Variants in NBEA observed in about 807,000 individuals in gnomAD.
The protein encoded by NBEA is neurobeachin.
Under a neutral mutation model 343.4 loss-of-function variants are expected in NBEA, and 44 were observed. That is an observed-to-expected ratio of 0.13 (90% CI 0.10 to 0.16). NBEA has a LOEUF of 0.16. Ranked by LOEUF, NBEA falls within the 10% of genes least tolerant of loss-of-function variation. The probability of loss-of-function intolerance (pLI) is 1.00; values close to 1 mark genes in which losing one functional copy is unlikely to be tolerated. For missense variants in NBEA, 2,555 were observed against 3,631.3 expected, an observed-to-expected ratio of 0.70 and a Z score of 7.62; for synonymous variants, 1,175 against 1,238.7, an observed-to-expected ratio of 0.95 and a Z score of 1.08.
chr13:35,225,386 C>T (rs2074595311), intron 33 of NBEA, among the ~76,000 whole-genome samples: 1 of 152,078 alleles, frequency 6.6e-6, no homozygotes, highest in Non-Finnish European at 1.5e-5. Context: ...CCAAAAGTGA[C>T]AGGATTTGTT....
chr13:35,513,872 A>G (rs2077381034), intron 41 of NBEA, among the ~76,000 whole-genome samples: 1 of 152,158 alleles, frequency 6.6e-6, no homozygotes, highest in South Asian at 2.1e-4. Context: ...GTTTAGAACT[A>G]TCTTTCAAAT....
At chr13:35,354,078 T>TA (rs144709413) in intron 38 of NBEA, among the ~76,000 whole-genome samples, 2,956 of 152,232 alleles carry the variant, frequency 0.019, 50 homozygotes, top group South Asian at 0.033. Flanking sequence ...ATCCTTTACT[T>TA]AAAGTTAACT....
At chr13:35,062,187 TAAAAC>T (rs1024386153) in intron 8 of NBEA, among the ~76,000 whole-genome samples, 3 of 151,456 alleles carry the variant, frequency 2.0e-5, no homozygotes, top group Admixed American at 6.6e-5. Context: ...AGCCATGAAA[TAAAAC>T]AAAGTCAGAT....
At position 34,942,477 on chromosome 13, in the gene NBEA, G is replaced by GCGGGC. The variant is rs958925043; in HGVS notation, c.-335_-331dup. On this transcript the variant is annotated 5_prime_UTR_variant, in exon 1 of 59. Transcript: ENST00000379939. ...AGCGGCTGCAGCATCTCCGCGGGGG[G>GCGGGC]CGGGCCGGGCCGGACAGACCGGGAG... The GCGGGC allele has an allele frequency of 6.2e-4, 106 of 170,316 alleles. No individual in the cohort carries two copies. The highest frequency in any genetic ancestry group is 1.6e-4 in the Non-Finnish European group (13 of 80,058). 10.6% of individuals were successfully genotyped at this position (170,316 alleles called of 1,614,324 possible).
intron 41 of NBEA, among the ~76,000 whole-genome samples, chr13:35,525,690 A>G (rs2077940771): frequency 6.6e-6 from 1 of 152,210 alleles, no homozygotes; most frequent in Non-Finnish European, 1.5e-5. Context: ...TGGGGTCACT[A>G]TAACAAAATA....
At chr13:35,331,343 C>A (rs892536296) in intron 36 of NBEA, among the ~76,000 whole-genome samples, 2 of 151,920 alleles carry the variant, frequency 1.3e-5, no homozygotes, top group Non-Finnish European at 2.9e-5. Flanking sequence ...CACTCTTTCC[C>A]CTAGTTTGTA....
Position 35,605,804 on chromosome 13 carries a change from T to C in NBEA, c.7297-622T>C, listed in dbSNP as rs142607253. On this transcript the variant is annotated intron_variant, in intron 47 of 58. Coordinates refer to ENST00000379939, the MANE Select transcript of NBEA (RefSeq NM_001385012.1). ...ACAAGTTGTCTTTGCATCCAATTTA[T>C]TGAGAACCTGTCATTTCTATGGCAT... is the stretch of plus-strand genomic sequence containing the variant. Among the ~76,000 whole-genome samples, 32 of 152,302 alleles carry C rather than the reference T, an allele frequency of 2.1e-4. No individual in the cohort carries two copies. The East Asian group carries it at 6.0e-3, about 28-fold the overall frequency.
chr13:35,135,775 A>ATC (rs2067688637), intron 17 of NBEA, among the ~76,000 whole-genome samples: 1 of 151,146 alleles, frequency 6.6e-6, no homozygotes, highest in African/African-American at 2.4e-5. Context: ...GTGTATATCT[A>ATC]TATATATATA....
intron 30 of NBEA, among the ~76,000 whole-genome samples, chr13:35,190,263 T>C (rs2072080855): frequency 6.6e-6 from 1 of 152,112 alleles, no homozygotes; most frequent in Non-Finnish European, 1.5e-5. Flanking sequence ...ACAGTGCCAG[T>C]TGGGGCAAAC....
At chr13:35,021,443 A>G (rs2061835362) in intron 1 of NBEA, among the ~76,000 whole-genome samples, 1 of 152,136 alleles carries the variant, frequency 6.6e-6, no homozygotes, top group African/African-American at 2.4e-5. Context: ...ATAGTTTTAG[A>G]TTATTTACAT....
chr13:35,392,632 A>C (rs2042559569), intron 38 of NBEA, among the ~76,000 whole-genome samples: 1 of 152,150 alleles, frequency 6.6e-6, no homozygotes, highest in Non-Finnish European at 1.5e-5. Flanking sequence ...TGATCTTCTA[A>C]CATGAGAAAA....
chr13:35,044,603 G>GGTGTGTGTGTGTGTGTGTGT (rs3045194), intron 2 of NBEA, among the ~76,000 whole-genome samples: 1 of 142,512 alleles, frequency 7.0e-6, no homozygotes. Flanking sequence ...GCTGTGTTGT[G>GGTGTGTGTGTGTGTGTGTGT]GTGTGTGTGT....
chr13:35,458,245 T>C (rs1486162120), intron 40 of NBEA, among the ~76,000 whole-genome samples: 2 of 152,172 alleles, frequency 1.3e-5, no homozygotes, highest in Admixed American at 1.3e-4. Flanking sequence ...TCTTCCTTTA[T>C]TATAGCCGCC....
intron 1 of NBEA, among the ~76,000 whole-genome samples, chr13:35,038,834 G>A (rs898483349): frequency 2.0e-5 from 3 of 152,126 alleles, no homozygotes; most frequent in Non-Finnish European, 4.4e-5. Flanking sequence ...GGGGTTAGGG[G>A]AGGGGTGATG....
chr13:35,579,394 G>C (rs1234788263), intron 45 of NBEA, among the ~76,000 whole-genome samples: 1 of 151,748 alleles, frequency 6.6e-6, no homozygotes, highest in Non-Finnish European at 1.5e-5. Flanking sequence ...AATTTTTGTG[G>C]TCATTTTTAC....
At chr13:35,100,315 A>G (rs772615553) in intron 11 of NBEA, among the ~76,000 whole-genome samples, 12 of 152,090 alleles carry the variant, frequency 7.9e-5, no homozygotes, top group Non-Finnish European at 1.2e-4. Flanking sequence ...GAAAAGTGGT[A>G]GATTGTTAAG....
intron 44 of NBEA, among the ~76,000 whole-genome samples, chr13:35,565,609 GA>G (rs770998530): frequency 2.0e-4 from 31 of 152,090 alleles, no homozygotes; most frequent in African/African-American, 7.2e-4. Context: ...CTGATAATTG[GA>G]TCATAACGCA....
intron 48 of NBEA, among the ~76,000 whole-genome samples, chr13:35,627,178 C>A (rs12876625): frequency 0.31 from 47,224 of 151,932 alleles, 7,752 homozygotes; most frequent in African/African-American, 0.39. Flanking sequence ...ATTTAGTGAC[C>A]GCCGTAATTT....
At chr13:35,015,113 AAGCAACG>A (rs1205623391) in intron 1 of NBEA, among the ~76,000 whole-genome samples, 1 of 145,184 alleles carries the variant, frequency 6.9e-6, no homozygotes, top group African/African-American at 2.6e-5. Context: ...TCTCAACAAA[AAGCAACG>A]AGATCTGAAA....
Sources: allele counts gnomAD v4.1 joint callset (sites outside exome capture counted in the v4.1 genomes callset), GRCh38; gene constraint gnomAD v4.1.1; transcripts MANE v1.5; gene names NCBI Gene and HGNC (gene_info 2026-07-23, HGNC 2026-07-21).